MTMR12: variants seen among roughly 807,000 people sequenced by gnomAD.
MTMR12 encodes myotubularin-related protein 12.
MTMR12 carries 33 observed loss-of-function variants against 96.7 expected under a neutral mutation model. That is an observed-to-expected ratio of 0.34 (90% CI 0.26 to 0.46). MTMR12 has a LOEUF of 0.46. MTMR12 is among the 20% of genes least tolerant of loss of function. MTMR12 has a pLI of 1.00. For missense variants in MTMR12, 721 were observed against 896.1 expected (o/e 0.80, Z 2.49); for synonymous variants, 298 against 327.2 (o/e 0.91, Z 0.96).
chr5:32,268,273 C>T (rs181371209), intron 6 of MTMR12, among the ~76,000 whole-genome samples: 1 of 151,836 alleles, frequency 6.6e-6, no homozygotes, highest in Non-Finnish European at 1.5e-5. Context: ...TTTGGGAGGC[C>T]GAGGTGGATG....
At chr5:32,273,865 C>T (rs1749942722) in intron 3 of MTMR12, 115 bp downstream of exon 3, 1 of 1,436,214 alleles carries the variant, frequency 7.0e-7, no homozygotes, top group South Asian at 1.3e-5. Context: ...GGATTTCTGT[C>T]CTTTGTGTTT....
chr5:32,309,617 T>C (rs1444783571), intron 1 of MTMR12: 1 of 152,152 alleles, frequency 6.6e-6, no homozygotes, highest in East Asian at 1.9e-4. Flanking sequence ...AAAACGTGCT[T>C]AACATCATTG....
intron 4 of MTMR12, 60 bp downstream of exon 4, chr5:32,271,773 T>C (rs1409957363): frequency 1.5e-5 from 14 of 956,418 alleles, no homozygotes; most frequent in Non-Finnish European, 1.6e-5. Context: ...AAAATATTAT[T>C]ATCATTATCA....
intron 1 of MTMR12, among the ~76,000 whole-genome samples, chr5:32,279,632 A>G (rs1458785311): frequency 6.6e-6 from 1 of 152,236 alleles, no homozygotes; most frequent in East Asian, 1.9e-4. Context: ...ACTACTTCAC[A>G]TTCAAGGATC....
intron 7 of MTMR12, 59 bp downstream of exon 7, chr5:32,263,054 A>G: frequency 6.3e-7 from 1 of 1,592,994 alleles, no homozygotes; most frequent in Non-Finnish European, 8.6e-7. Flanking sequence ...TATACTAAAA[A>G]ACACTGTACA....
intron 2 of MTMR12, among the ~76,000 whole-genome samples, chr5:32,275,616 T>C (rs1204263061): frequency 1.3e-5 from 2 of 152,204 alleles, no homozygotes; most frequent in Non-Finnish European, 2.9e-5. Context: ...GAGCTAGAAA[T>C]GATCTTTGTC....
At position 32,230,177 on chromosome 5, in the gene MTMR12, G is replaced by C; in HGVS notation, c.1845C>G (p.Ser615Arg). The C allele has an allele frequency of 6.2e-7, 1 of 1,614,212 alleles. No individual in the cohort carries two copies. The highest frequency in any genetic ancestry group is 8.5e-7 in the Non-Finnish European group (1 of 1,180,036). The change falls in exon 16 of 16, where the codon AGC (serine) becomes AGG (arginine). Residue 615 changes from serine (S) to arginine (R), a missense_variant. By Grantham distance (110) the Ser-to-Arg change is moderately radical. Coordinates refer to ENST00000382142, the MANE Select transcript of MTMR12 (RefSeq NM_001040446.3). ...GGTAGTCAGTGGACTTGCTATGCCAGCTGTCATAGAACTCTCGAAAGTTGT... is the reference window on the plus strand; with the variant it reads ...GGTAGTCAGTGGACTTGCTATGCCACCTGTCATAGAACTCTCGAAAGTTGT... Reference protein sequence around the residue: ...LQDNFREFYDSWHSKSTDYHG... With the variant: ...LQDNFREFYDRWHSKSTDYHG...
At chr5:32,308,180 G>A (rs984323966) in intron 1 of MTMR12, among the ~76,000 whole-genome samples, 2 of 152,104 alleles carry the variant, frequency 1.3e-5, no homozygotes, top group Admixed American at 1.3e-4. Flanking sequence ...ACATTAGCTG[G>A]GTGTGGTGGT....
chr5:32,287,985 C>G (rs1441049492), intron 1 of MTMR12, among the ~76,000 whole-genome samples: 1 of 152,114 alleles, frequency 6.6e-6, no homozygotes, highest in Admixed American at 6.5e-5. Context: ...CCTTCAGAAG[C>G]AGACACCGAG....
rs1173274973 is a variant in MTMR12, at chr5:32,233,461, CACACACACACAA to C, written c.1674+300_1674+311del. On this transcript the variant is annotated intron_variant, in intron 15 of 15. Transcript: ENST00000382142. The surrounding 1 kb of genome is among the most constrained non-coding windows in gnomAD (Gnocchi z 5.0). ...ATGTTCCTTTTACTCTACTAACACACACACACACACAAACACACACACACACACACACACACA... is the reference window on the plus strand; with the variant it reads ...ATGTTCCTTTTACTCTACTAACACACACACACACACACACACACACACACA... Among the ~76,000 whole-genome samples the C allele has an allele frequency of 1.2e-3, 172 of 147,780 alleles. No individual in the cohort carries two copies. The highest frequency in any genetic ancestry group is 3.6e-3 in the African/African-American group (142 of 39,536).
chr5:32,281,077 G>A (rs1750272886), intron 1 of MTMR12, among the ~76,000 whole-genome samples: 1 of 151,506 alleles, frequency 6.6e-6, no homozygotes, highest in Non-Finnish European at 1.5e-5. Context: ...GTAAAACCAC[G>A]TCTCTACTGA....
Position 32,229,272 on chromosome 5 carries a change from T to C in MTMR12, c.*506A>G, listed in dbSNP as rs1487665338. 1 of 152,498 alleles carries C rather than the reference T, an allele frequency of 6.6e-6. No homozygotes were observed. The highest frequency in any genetic ancestry group is 2.4e-5 in the African/African-American group (1 of 41,444). The allele number at this position is 152,498 out of a possible 1,614,324, so 9.4% of individuals were successfully genotyped here. A position where few individuals can be genotyped will look rare whatever the true frequency, so the allele number is the denominator to read the frequency against. On this transcript the variant is annotated 3_prime_UTR_variant, in exon 16 of 16. Transcript: ENST00000382142. ...GGGGCGTAGAAAGAAAAAAATGTGA[T>C]GGTTTAAGTAAATGCCACACATCTT...
intron 1 of MTMR12, among the ~76,000 whole-genome samples, chr5:32,281,622 C>T (rs1200386951): frequency 6.6e-6 from 1 of 152,172 alleles, no homozygotes; most frequent in Non-Finnish European, 1.5e-5. Context: ...CACATCTGGG[C>T]CGGGCGTGGT....
intron 1 of MTMR12, among the ~76,000 whole-genome samples, chr5:32,294,739 C>G (rs913309604): frequency 1.3e-5 from 2 of 152,154 alleles, no homozygotes; most frequent in Non-Finnish European, 2.9e-5. Context: ...CCTGACAAGA[C>G]AGTAAATTGT....
rs1447963910 is a variant in MTMR12, at chr5:32,229,196, G to T, written c.*582C>A. ...TGTGAAGAAGGGAGGGTGGTCTGAA[G>T]CATCAGGATGGATGACACCAGTGGA... On this transcript the variant is annotated 3_prime_UTR_variant, in exon 16 of 16. Coordinates refer to ENST00000382142, the MANE Select transcript of MTMR12 (RefSeq NM_001040446.3). 1 of 152,208 alleles carries T rather than the reference G, an allele frequency of 6.6e-6. No individual in the cohort carries two copies. The highest frequency in any genetic ancestry group is 1.5e-5 in the Non-Finnish European group (1 of 68,044). The allele number at this position is 152,208 out of a possible 1,614,324, so 9.4% of individuals were successfully genotyped here.
In MTMR12 at chr5:32,228,994, C is replaced by T. The variant is rs1166016444; in HGVS notation, c.*784G>A. On this transcript the variant is annotated 3_prime_UTR_variant, in exon 16 of 16. Coordinates refer to ENST00000382142, the MANE Select transcript of MTMR12 (RefSeq NM_001040446.3). Reference sequence around the variant, plus strand: ...GGATCTCAGGCAAAGAAACAGATCCCCGCAGCGTAACCAAGAGGTTTGGCA... The same window carrying T: ...GGATCTCAGGCAAAGAAACAGATCCTCGCAGCGTAACCAAGAGGTTTGGCA... 6.6e-6 allele frequency: 1 copy of T among 152,080 alleles called. No homozygotes were observed. The highest frequency in any genetic ancestry group is 1.5e-5 in the Non-Finnish European group (1 of 68,062). 9.4% of individuals were successfully genotyped at this position (152,080 alleles called of 1,614,324 possible).
chr5:32,261,188 G>A (rs78129980), intron 7 of MTMR12, among the ~76,000 whole-genome samples: 1,569 of 150,132 alleles, frequency 0.01, 12 homozygotes, highest in East Asian at 0.043. Context: ...AGCCGAGATA[G>A]CACCACTGCA....
In MTMR12 at chr5:32,262,976, G is replaced by A. The variant is rs140032548; in HGVS notation, c.713+137C>T. Reference sequence around the variant, plus strand: ...ATGGGGAGTGACAGCCAATGGGTATGGAGTTTCTTTTTGGGAGGATGAAAA... The same window carrying A: ...ATGGGGAGTGACAGCCAATGGGTATAGAGTTTCTTTTTGGGAGGATGAAAA... On this transcript the variant is annotated intron_variant, in intron 7 of 15. Transcript: ENST00000382142. 5.0e-4 allele frequency: 554 copies of A among 1,106,286 alleles called. 1 individual carries two copies. The African/African-American group carries it at 8.2e-3, about 16-fold the overall frequency. 68.5% of individuals were successfully genotyped at this position (1,106,286 alleles called of 1,614,324 possible).
intron 2 of MTMR12, 113 bp from the exon 3 acceptor site, chr5:32,274,235 G>A: frequency 7.9e-7 from 1 of 1,268,060 alleles, no homozygotes; most frequent in South Asian, 1.5e-5. Context: ...ATACAACACA[G>A]GGCTTTAGAA....
Sources: gnomAD v4.1 joint callset for allele counts (sites outside exome capture counted in the v4.1 genomes callset) on GRCh38, gnomAD v4.1.1 for gene constraint, Gnocchi (gnomAD v3.1) non-coding constraint, MANE v1.5 for transcripts, NCBI Gene and HGNC (gene_info 2026-07-23, HGNC 2026-07-21) for gene names.